KCNIP4: variants seen among roughly 807,000 people sequenced by gnomAD.
KCNIP4 encodes the protein Kv channel-interacting protein 4.
KCNIP4 carries 12 observed loss-of-function variants against 34.0 expected under a neutral mutation model. The observed-to-expected ratio is 0.35, with a 90% CI of 0.23 to 0.57. The LOEUF (loss-of-function observed/expected upper bound fraction) is 0.57, where lower values mean the gene tolerates loss of function less well. Ranked by LOEUF, KCNIP4 falls within the 20% of genes least tolerant of loss-of-function variation. The pLI is 0.83. For missense variants in KCNIP4, 238 were observed against 311.7 expected, an observed-to-expected ratio of 0.76 and a Z score of 1.78; for synonymous variants, 124 against 102.2, an observed-to-expected ratio of 1.21 and a Z score of -1.29.
At chr4:21,280,209 A>G (rs1454316668) in intron 1 of KCNIP4, among the ~76,000 whole-genome samples, 1 of 152,198 alleles carries the variant, frequency 6.6e-6, no homozygotes, top group Non-Finnish European at 1.5e-5. Context: ...GGATTTTGCT[A>G]AACACAGCAA....
At chr4:20,773,152 G>A (rs770043464) in intron 3 of KCNIP4, among the ~76,000 whole-genome samples, 4 of 152,004 alleles carry the variant, frequency 2.6e-5, no homozygotes, top group Non-Finnish European at 4.4e-5. Flanking sequence ...CCTCGCTTAT[G>A]AGCCACTCAT....
intron 1 of KCNIP4, among the ~76,000 whole-genome samples, chr4:21,372,703 C>A (rs943800250): frequency 1.4e-5 from 2 of 146,474 alleles, no homozygotes; most frequent in Non-Finnish European, 2.9e-5. Context: ...AGGTATCTAG[C>A]AAATTCATGA....
At chr4:20,789,321 A>C (rs535973641) in intron 3 of KCNIP4, among the ~76,000 whole-genome samples, 48 of 152,254 alleles carry the variant, frequency 3.2e-4, no homozygotes, top group African/African-American at 9.9e-4. Flanking sequence ...ATGTATTTAA[A>C]ATTTGTCTCA....
At chr4:21,263,141 AG>A (rs571856165) in intron 1 of KCNIP4, among the ~76,000 whole-genome samples, 93 of 152,270 alleles carry the variant, frequency 6.1e-4, no homozygotes, top group African/African-American at 2.2e-3. Context: ...CACTGACATG[AG>A]TAATTGGTCC....
intron 1 of KCNIP4, among the ~76,000 whole-genome samples, chr4:21,677,857 C>A (rs765637265): frequency 2.2e-4 from 34 of 152,196 alleles, no homozygotes; most frequent in Non-Finnish European, 4.3e-4. Flanking sequence ...TCAAGTGATT[C>A]TTGTGTCTCA....
At chr4:21,873,812 C>T (rs775589429) in intron 1 of KCNIP4, among the ~76,000 whole-genome samples, 3 of 152,178 alleles carry the variant, frequency 2.0e-5, no homozygotes, top group Non-Finnish European at 4.4e-5. Context: ...GTAATCAATG[C>T]TGTCTGGGTG....
At chr4:21,517,783 C>T (rs577930527) in intron 1 of KCNIP4, among the ~76,000 whole-genome samples, 6 of 152,204 alleles carry the variant, frequency 3.9e-5, no homozygotes, top group Non-Finnish European at 7.4e-5. Flanking sequence ...GTTAAAGAAA[C>T]AATCATGGGA....
At chr4:21,699,663 G>C (rs571598845) in intron 1 of KCNIP4, among the ~76,000 whole-genome samples, 120 of 152,298 alleles carry the variant, frequency 7.9e-4, no homozygotes, top group African/African-American at 2.6e-3. Context: ...TTAAGGAACA[G>C]AGAGAAGGGT....
chr4:21,814,247 C>T (rs768022517), intron 1 of KCNIP4, among the ~76,000 whole-genome samples: 1 of 152,122 alleles, frequency 6.6e-6, no homozygotes, highest in South Asian at 2.1e-4. Flanking sequence ...AAAATACTAA[C>T]CTAAAACCTT....
At chr4:21,016,913 G>A (rs1263041154) in intron 1 of KCNIP4, among the ~76,000 whole-genome samples, 1 of 152,148 alleles carries the variant, frequency 6.6e-6, no homozygotes, top group Non-Finnish European at 1.5e-5. Context: ...ATTTTGACAT[G>A]GTAGACAAAA....
chr4:20,875,078 A>G (rs975566007), intron 2 of KCNIP4, among the ~76,000 whole-genome samples: 1 of 151,920 alleles, frequency 6.6e-6, no homozygotes, highest in Non-Finnish European at 1.5e-5. Context: ...TTATTCGTGG[A>G]TGGTGAAAGG....
At chr4:21,154,241 A>G (rs1016858563) in intron 1 of KCNIP4, among the ~76,000 whole-genome samples, 7 of 152,220 alleles carry the variant, frequency 4.6e-5, no homozygotes, top group African/African-American at 1.7e-4. Flanking sequence ...TACCCCAGTT[A>G]CCCAGATTGG....
chr4:21,763,201 G>C (rs1185070619), intron 1 of KCNIP4, among the ~76,000 whole-genome samples: 1 of 152,106 alleles, frequency 6.6e-6, no homozygotes, highest in Non-Finnish European at 1.5e-5. Flanking sequence ...TTTAAATATA[G>C]CTGCAGTCTG....
chr4:21,618,047 G>T (rs1744722264), intron 1 of KCNIP4, among the ~76,000 whole-genome samples: 1 of 152,136 alleles, frequency 6.6e-6, no homozygotes, highest in Non-Finnish European at 1.5e-5. Context: ...ATTGTAATAG[G>T]TTGTATACCA....
At chr4:20,841,551 A>T (rs764657600) in intron 3 of KCNIP4, among the ~76,000 whole-genome samples, 2 of 152,090 alleles carry the variant, frequency 1.3e-5, no homozygotes, top group Non-Finnish European at 2.9e-5. Flanking sequence ...AATCCAAAAC[A>T]TCACGACGTC....
At chr4:21,052,098 G>A (rs1219751843) in intron 1 of KCNIP4, among the ~76,000 whole-genome samples, 1 of 152,058 alleles carries the variant, frequency 6.6e-6, no homozygotes, top group Non-Finnish European at 1.5e-5. Flanking sequence ...TTTGTCCCTT[G>A]TTTTTTGTCT....
chr4:21,117,750 C>T (rs116113523), intron 1 of KCNIP4, among the ~76,000 whole-genome samples: 1,756 of 152,148 alleles, frequency 0.012, 42 homozygotes, highest in African/African-American at 0.04. Flanking sequence ...CCTCCAATTC[C>T]CTCAGCCTAT....
intron 1 of KCNIP4, among the ~76,000 whole-genome samples, chr4:21,388,179 A>G (rs1313130439): frequency 6.6e-6 from 1 of 150,598 alleles, no homozygotes; most frequent in Admixed American, 6.6e-5. Flanking sequence ...TGAGTAAATT[A>G]TAACGGATTA....
chr4:21,109,906 T>A (rs1054967891), intron 1 of KCNIP4, among the ~76,000 whole-genome samples: 6 of 149,850 alleles, frequency 4.0e-5, no homozygotes, highest in Non-Finnish European at 8.9e-5. Context: ...AACTTAAATT[T>A]TCAAAGAAAA....
Sources: allele counts gnomAD v4.1 joint callset (sites outside exome capture counted in the v4.1 genomes callset), GRCh38; gene constraint gnomAD v4.1.1; transcripts MANE v1.5; gene names NCBI Gene and HGNC (gene_info 2026-07-23, HGNC 2026-07-21).